DCHS1: variants seen among roughly 807,000 people sequenced by gnomAD.
DCHS1 encodes protocadherin-16.
A neutral mutation model predicts 213.9 loss-of-function variants in DCHS1; 78 were observed. The observed-to-expected ratio is 0.36, with a 90% CI of 0.30 to 0.44. The LOEUF is 0.44. Ranked by LOEUF, DCHS1 falls within the 20% of genes least tolerant of loss-of-function variation. The pLI is 1.00. For synonymous variants in DCHS1, 1,828 were observed against 1,873.7 expected (o/e 0.98, Z 0.63); for missense variants, 3,946 against 4,395.9 (o/e 0.90, Z 2.89).
rs1206348798 is a variant in DCHS1, at chr11:6,630,210, C to T, written c.4584G>A (p.Ala1528=). The T allele has an allele frequency of 1.3e-6, 2 of 1,569,278 alleles. No homozygotes were observed. The highest frequency in any genetic ancestry group is 8.6e-7 in the Non-Finnish European group (1 of 1,159,310). ...RPANASRRRA[A]RVSARVFVTD... ...TGACGAAGACGCGCGCTGAAACGCG[C>T]GCTGCACGACGGCGGCTGGCGTTGG... is the stretch of plus-strand genomic sequence containing the variant. The change falls in exon 10 of 21, where the codon GCG becomes GCA. Residue 1528 remains alanine, a synonymous_variant. Coordinates refer to ENST00000299441, the MANE Select transcript of DCHS1 (RefSeq NM_003737.4).
In DCHS1 at chr11:6,628,483, T is replaced by C; in HGVS notation, c.5371+138A>G. The C allele has an allele frequency of 1.2e-6, 1 of 860,848 alleles. No individual in the cohort carries two copies. Among genetic ancestry groups the C allele is most frequent in the African/African-American group, 1.7e-5 (1 of 59,496 alleles). 53.3% of individuals were successfully genotyped at this position (860,848 alleles called of 1,614,324 possible). A position where few individuals can be genotyped will look rare whatever the true frequency, so the allele number is the denominator to read the frequency against. ...ATGAGATACCTAGCTACACTGGGTA[T>C]AAGCATGAAAGAAAAGGTGGACGAC... On this transcript the variant is annotated intron_variant, in intron 13 of 20. Coordinates refer to ENST00000299441, the MANE Select transcript of DCHS1 (RefSeq NM_003737.4). The surrounding 1 kb of genome is among the most constrained non-coding windows in gnomAD (Gnocchi z 4.3).
intron 1 of DCHS1, among the ~76,000 whole-genome samples, chr11:6,648,020 C>A (rs1856190504): frequency 6.6e-6 from 1 of 152,174 alleles, no homozygotes. Context: ...GGCCTGCCTA[C>A]CAGGGTTCTG....
At chr11:6,631,947 G>A in intron 6 of DCHS1, 84 bp downstream of exon 6, 1 of 1,459,964 alleles carries the variant, frequency 6.8e-7, no homozygotes. Context: ...CGAGATGGGA[G>A]CTGGGGGTTG....
At position 6,641,543 on chromosome 11, in the gene DCHS1, G is replaced by A. The variant is rs868361332; in HGVS notation, c.71C>T (p.Pro24Leu). Residue 24 changes from proline (P) to leucine (L), a missense_variant, in exon 2 of 21, where the codon CCA (proline) becomes CTA (leucine). Physicochemically the swap from Pro to Leu is moderately conservative, Grantham distance 98 (BLOSUM62 -3). This residue lies in a region of DCHS1 where 3,384 missense variants were observed against 3,780.1 expected (regional missense o/e 0.90). Transcript: ENST00000299441. The surrounding 1 kb of genome is among the most constrained non-coding windows in gnomAD (Gnocchi z 7.1). ...CAGCAGCAGCAGCAGCAGCAGCAAT[G>A]GTAGCAGGAGGTGGGGCCTGGGGCT... ...MKSPRPHLLL[P>L]LLLLLLLLLG... The A allele has an allele frequency of 3.9e-6, 6 of 1,547,458 alleles. No individual in the cohort carries two copies. The African/African-American group carries it at 8.2e-5, about 21-fold the overall frequency.
At position 6,631,345 on chromosome 11, in the gene DCHS1, C is replaced by T. The variant is rs376478104; in HGVS notation, c.3738G>A (p.Glu1246=). 2 of 1,613,898 alleles carry T rather than the reference C, an allele frequency of 1.2e-6. No homozygotes were observed. Among genetic ancestry groups the T allele is most frequent in the African/African-American group, 2.7e-5 (2 of 74,932 alleles). Residue 1246 remains glutamate, a synonymous_variant, in exon 8 of 21, where the codon GAG becomes GAA. Coordinates refer to ENST00000299441, the MANE Select transcript of DCHS1 (RefSeq NM_003737.4). Reference sequence around the variant, plus strand: ...TGTACAAGATGGTCCCATTCTCCCCCTCATCTGGATCCTTCGCCTGCAGAG... The same window carrying T: ...TGTACAAGATGGTCCCATTCTCCCCTTCATCTGGATCCTTCGCCTGCAGAG... The part of the protein sequence containing the change: ...VTTLQAKDPD[E]GENGTILYTL...
chr11:6,627,905 T>C lies in DCHS1; in HGVS notation c.5372-238A>G, dbSNP rs1855838296. ...TTTCATGTGCATAAGATCAAAATTA[T>C]TTCATAGCACTACTAAGCCATTATA... On this transcript the variant is annotated intron_variant, in intron 13 of 20. Transcript: ENST00000299441. The surrounding 1 kb of genome is among the most constrained non-coding windows in gnomAD (Gnocchi z 5.4). 2.0e-5 allele frequency among the ~76,000 whole-genome samples: 3 copies of C among 152,260 alleles called. No homozygotes were observed. Among genetic ancestry groups the C allele is most frequent in the Non-Finnish European group, 4.4e-5 (3 of 68,052 alleles).
rs1195600157 is a variant in DCHS1, at chr11:6,634,297, T to C, written c.1807A>G (p.Thr603Ala). The change falls in exon 3 of 21, where the codon ACA becomes GCA. Residue 603 changes from threonine to alanine, a missense_variant. By Grantham distance (58) the Thr-to-Ala change is moderately conservative. This residue lies in a region of DCHS1 where 3,384 missense variants were observed against 3,780.1 expected (regional missense o/e 0.90). Coordinates refer to ENST00000299441, the MANE Select transcript of DCHS1 (RefSeq NM_003737.4). ...PGTCFLQVTA[T>A]DADSGPFGLL... Reference sequence around the variant, plus strand: ...CCAAATGGGCCACTATCCGCGTCTGTGGCTGTCACCTAGGGAGAGGCTGGG... The same window carrying C: ...CCAAATGGGCCACTATCCGCGTCTGCGGCTGTCACCTAGGGAGAGGCTGGG... The C allele has an allele frequency of 6.3e-7, 1 of 1,599,840 alleles. No homozygotes were observed. Among genetic ancestry groups the C allele is most frequent in the Admixed American group, 1.7e-5 (1 of 58,906 alleles).
In DCHS1 at chr11:6,630,340, G is replaced by A; in HGVS notation, c.4454C>T (p.Ala1485Val). ...CCCGGTGCGCGCGTCCAGGCGAAGCGCCGGCACGGGCGGCTCCTGGCGCAG... is the reference window on the plus strand; with the variant it reads ...CCCGGTGCGCGCGTCCAGGCGAAGCACCGGCACGGGCGGCTCCTGGCGCAG... ...RLLRQEPPVP[A>V]LRLDARTGAL... Residue 1485 changes from alanine (A) to valine (V), a missense_variant, in exon 10 of 21, where the codon GCG becomes GTG. By Grantham distance (64) the Ala-to-Val change is moderately conservative. Coordinates refer to ENST00000299441, the MANE Select transcript of DCHS1 (RefSeq NM_003737.4). The A allele has an allele frequency of 7.6e-7, 1 of 1,310,086 alleles. No homozygotes were observed. Among genetic ancestry groups the A allele is most frequent in the Non-Finnish European group, 9.7e-7 (1 of 1,031,418 alleles). The allele number at this position is 1,310,086 out of a possible 1,614,324, so 81.2% of individuals were successfully genotyped here.
Position 6,627,307 on chromosome 11 carries a change from A to G in DCHS1, c.5732T>C (p.Leu1911Pro), listed in dbSNP as rs749474447. ...TCTGTCCAAGGCTGCAGCTGTGCGC[A>G]GTTCTCCAGAGCTGGGCTCCAGCAG... ...AFLLEPSSGELRTAAALDREQ... is the reference protein window; with the variant it reads ...AFLLEPSSGEPRTAAALDREQ... Residue 1911 changes from leucine to proline, a missense_variant, in exon 14 of 21, where the codon CTG (leucine) becomes CCG (proline). Leu to Pro is a moderately conservative substitution (Grantham distance 98, BLOSUM62 -3). This residue lies in a region of DCHS1 where 3,384 missense variants were observed against 3,780.1 expected (regional missense o/e 0.90). Coordinates refer to ENST00000299441, the MANE Select transcript of DCHS1 (RefSeq NM_003737.4). This position sits in a 1 kb window ranked among gnomAD's most constrained non-coding sequence, Gnocchi z 5.4. The G allele has an allele frequency of 6.2e-7, 1 of 1,611,856 alleles. No homozygotes were observed. Among genetic ancestry groups the G allele is most frequent in the Non-Finnish European group, 8.5e-7 (1 of 1,179,112 alleles).
intron 1 of DCHS1, among the ~76,000 whole-genome samples, chr11:6,642,032 T>C (rs1856084338): frequency 6.6e-6 from 1 of 152,188 alleles, no homozygotes; most frequent in Non-Finnish European, 1.5e-5. Flanking sequence ...AATATGGACA[T>C]TCTTTTCTCA....
intron 1 of DCHS1, among the ~76,000 whole-genome samples, chr11:6,647,809 C>A (rs1856186327): frequency 6.6e-6 from 1 of 152,112 alleles, no homozygotes; most frequent in African/African-American, 2.4e-5. Context: ...GTTGAGGGGA[C>A]AGAGTCCTCA....
rs778810563 is a variant in DCHS1, at chr11:6,622,048, G to A, written c.9628C>T (p.His3210Tyr). 1.9e-6 allele frequency: 3 copies of A among 1,612,704 alleles called. No homozygotes were observed. The highest frequency in any genetic ancestry group is 1.1e-5 in the South Asian group (1 of 91,044). Reference protein sequence around the residue: ...DPPPLITAVAHPGAKSVPPKP... With the variant: ...DPPPLITAVAYPGAKSVPPKP... ...GGGGGCACAGACTTGGCTCCTGGGT[G>A]GGCCACGGCAGTGATGAGGGGTGGT... The change falls in exon 21 of 21, where the codon CAC becomes TAC. Residue 3210 changes from histidine to tyrosine, a missense_variant. Around this residue, in one of 3 missense-constraint regions of DCHS1, gnomAD observed 554 missense variants for 590.2 expected, o/e 0.94. Transcript: ENST00000299441. This position sits in a 1 kb window ranked among gnomAD's most constrained non-coding sequence, Gnocchi z 5.4.
At position 6,622,143 on chromosome 11, in the gene DCHS1, C is replaced by T. The variant is rs979852727; in HGVS notation, c.9533G>A (p.Ser3178Asn). The T allele has an allele frequency of 6.2e-7, 1 of 1,612,624 alleles. No individual in the cohort carries two copies. Among genetic ancestry groups the T allele is most frequent in the Non-Finnish European group, 8.5e-7 (1 of 1,179,778 alleles). ...GAGCCGAGCGATCTCTGTGAAGACACTGGCCAGTGGTTGGAACTGAGGGCA... is the reference window on the plus strand; with the variant it reads ...GAGCCGAGCGATCTCTGTGAAGACATTGGCCAGTGGTTGGAACTGAGGGCA... Reference protein sequence around the residue: ...SWCPQFQPLASVFTEIARLKD... With the variant: ...SWCPQFQPLANVFTEIARLKD... The change falls in exon 21 of 21, where the codon AGT (serine) becomes AAT (asparagine). Residue 3178 changes from serine to asparagine, a missense_variant. Coordinates refer to ENST00000299441, the MANE Select transcript of DCHS1 (RefSeq NM_003737.4). The surrounding 1 kb of genome is among the most constrained non-coding windows in gnomAD (Gnocchi z 5.4).
At chr11:6,629,313 A>C in intron 12 of DCHS1, 139 bp downstream of exon 12, 1 of 1,253,200 alleles carries the variant, frequency 8.0e-7, no homozygotes, top group Non-Finnish European at 1.1e-6. Flanking sequence ...TCGACTCCCC[A>C]AAAGGGTCCA....
Position 6,640,332 on chromosome 11 carries a change from G to A in DCHS1, c.1282C>T (p.Arg428Trp), listed in dbSNP as rs146914159. The change falls in exon 2 of 21, where the codon CGG (arginine) becomes TGG (tryptophan). Residue 428 changes from arginine (R) to tryptophan (W), a missense_variant. Coordinates refer to ENST00000299441, the MANE Select transcript of DCHS1 (RefSeq NM_003737.4). This position sits in a 1 kb window ranked among gnomAD's most constrained non-coding sequence, Gnocchi z 6.5. ...TCCCTCTCCTCTCGATCCAGCCGCCGAGCCACACACACCAGATAGATGACG... is the reference window on the plus strand; with the variant it reads ...TCCCTCTCCTCTCGATCCAGCCGCCAAGCCACACACACCAGATAGATGACG... ...DSVIYLVCVA[R>W]RLDREERDAY... The A allele has an allele frequency of 4.6e-5, 74 of 1,611,248 alleles. No individual in the cohort carries two copies. The African/African-American group carries it at 8.4e-4, about 18-fold the overall frequency.
Position 6,629,538 on chromosome 11 carries a change from T to C in DCHS1, c.5075A>G (p.Glu1692Gly). 6.2e-7 allele frequency: 1 copy of C among 1,613,648 alleles called. No individual in the cohort carries two copies. Among genetic ancestry groups the C allele is most frequent in the Non-Finnish European group, 8.5e-7 (1 of 1,179,738 alleles). ...GQVTYGGVSS[E>G]SFSLDPDTGV... The stretch of plus-strand genomic sequence containing the variant: ...AGTGTCAGGATCCAGAGAAAAGCTT[T>C]CGCTAGAGACGCCTCCATAAGTCAC... Residue 1692 changes from glutamate to glycine, a missense_variant, in exon 12 of 21, where the codon GAA (glutamate) becomes GGA (glycine). Transcript: ENST00000299441.
chr11:6,642,824 A>C (rs1856098975), intron 1 of DCHS1, among the ~76,000 whole-genome samples: 1 of 152,224 alleles, frequency 6.6e-6, no homozygotes, highest in African/African-American at 2.4e-5. Flanking sequence ...AGTCCTTTGG[A>C]AAGCAAAGAT....
chr11:6,639,683 A>G, intron 2 of DCHS1, 134 bp downstream of exon 2: 1 of 766,786 alleles, frequency 1.3e-6, no homozygotes, highest in Non-Finnish European at 2.0e-6. Flanking sequence ...TTTGGAGCTT[A>G]CAACATAGGG....
intron 2 of DCHS1, among the ~76,000 whole-genome samples, chr11:6,637,121 T>C (rs1485580838): frequency 6.6e-6 from 1 of 152,204 alleles, no homozygotes; most frequent in African/African-American, 2.4e-5. Flanking sequence ...CATTCTGACT[T>C]AGGCCTGAGC....
Sources: gnomAD v4.1 joint callset for allele counts (sites outside exome capture counted in the v4.1 genomes callset) on GRCh38, gnomAD v4.1.1 for gene constraint, gnomAD v4.1.1 regional missense constraint, Gnocchi (gnomAD v3.1) non-coding constraint, MANE v1.5 for transcripts, NCBI Gene and HGNC (gene_info 2026-07-23, HGNC 2026-07-21) for gene names.